Variants in CPNE4 observed in about 807,000 individuals in gnomAD.
CPNE4 encodes copine 4, also known as copine-4.
Under a neutral mutation model 67.9 loss-of-function variants are expected in CPNE4, and 25 were observed. The observed-to-expected ratio is 0.37, with a 90% CI of 0.27 to 0.51. The LOEUF (loss-of-function observed/expected upper bound fraction) is 0.51, where lower values mean the gene tolerates loss of function less well. Among genes scored for constraint, CPNE4 ranks in the 20% least tolerant of loss-of-function variants. The probability of loss-of-function intolerance (pLI) is 0.93; values close to 1 mark genes in which losing one functional copy is unlikely to be tolerated. For synonymous variants in CPNE4, 242 were observed against 244.9 expected (o/e 0.99, Z 0.11); for missense variants, 464 against 690.8 (o/e 0.67, Z 3.68).
At chr3:131,942,869 G>A (rs776547546) in intron 1 of CPNE4, among the ~76,000 whole-genome samples, 5 of 152,224 alleles carry the variant, frequency 3.3e-5, no homozygotes, top group Admixed American at 6.5e-5. Context: ...GTGCAAAAAT[G>A]GTTCAAAGTG....
intron 2 of CPNE4, among the ~76,000 whole-genome samples, chr3:131,882,116 CAATT>C (rs1349082895): frequency 1.3e-5 from 2 of 149,106 alleles, no homozygotes; most frequent in African/African-American, 5.0e-5. Context: ...AGAGATGCTT[CAATT>C]CATTCTTCAG....
intron 1 of CPNE4, among the ~76,000 whole-genome samples, chr3:132,023,838 G>C (rs1324059064): frequency 1.3e-5 from 2 of 152,094 alleles, no homozygotes; most frequent in Non-Finnish European, 2.9e-5. Context: ...ACAGGCTAAG[G>C]CTTAAAAGAA....
At chr3:131,618,469 C>T (rs945888212) in intron 7 of CPNE4, among the ~76,000 whole-genome samples, 28 of 152,108 alleles carry the variant, frequency 1.8e-4, no homozygotes, top group African/African-American at 6.8e-4. Context: ...ACTGTGGACA[C>T]AACTCATTTT....
intron 2 of CPNE4, among the ~76,000 whole-genome samples, chr3:131,882,351 C>G (rs1197396018): frequency 4.6e-5 from 7 of 152,050 alleles, no homozygotes; most frequent in African/African-American, 1.7e-4. Flanking sequence ...CAACTCATGC[C>G]AAGCCAAGGA....
At chr3:131,846,289 C>T (rs577456738) in intron 2 of CPNE4, among the ~76,000 whole-genome samples, 101 of 152,262 alleles carry the variant, frequency 6.6e-4, no homozygotes, top group African/African-American at 2.4e-3. Context: ...AAGAGGTGTT[C>T]GTTTAGTACA....
chr3:131,687,507 C>T (rs912337694), intron 5 of CPNE4, among the ~76,000 whole-genome samples: 46 of 152,226 alleles, frequency 3.0e-4, no homozygotes, highest in African/African-American at 1.1e-3. Flanking sequence ...AATTTTTTTC[C>T]AGAAATCTAG....
chr3:131,971,950 T>G (rs148778690), intron 1 of CPNE4, among the ~76,000 whole-genome samples: 15 of 152,324 alleles, frequency 9.8e-5, no homozygotes, highest in African/African-American at 3.4e-4. Context: ...TTTAGCTCAG[T>G]GTCTGGCACT....
intron 1 of CPNE4, among the ~76,000 whole-genome samples, chr3:132,009,444 A>G (rs148568649): frequency 2.1e-4 from 32 of 152,332 alleles, no homozygotes; most frequent in Admixed American, 2.6e-4. Context: ...GAAGCATTTT[A>G]CTGCCTAAGA....
At chr3:131,823,225 T>C (rs990390982) in intron 2 of CPNE4, among the ~76,000 whole-genome samples, 1 of 152,250 alleles carries the variant, frequency 6.6e-6, no homozygotes, top group African/African-American at 2.4e-5. Flanking sequence ...CTATGTGCCA[T>C]GCATTGTGCT....
chr3:131,895,020 T>C (rs2088271053), intron 2 of CPNE4, among the ~76,000 whole-genome samples: 1 of 152,048 alleles, frequency 6.6e-6, no homozygotes, highest in African/African-American at 2.4e-5. Flanking sequence ...AACAGAATAC[T>C]ATCTAGCCAT....
intron 1 of CPNE4, among the ~76,000 whole-genome samples, chr3:131,947,769 G>A (rs1392070911): frequency 6.6e-6 from 1 of 152,130 alleles, no homozygotes; most frequent in Non-Finnish European, 1.5e-5. Context: ...GGATTGCTGG[G>A]TCAAATGGTA....
chr3:131,901,870 T>G (rs1219442790), intron 2 of CPNE4, among the ~76,000 whole-genome samples: 1 of 145,322 alleles, frequency 6.9e-6, no homozygotes, highest in Non-Finnish European at 1.6e-5. Flanking sequence ...ACTCCCTGAC[T>G]TGCAAAATTC....
chr3:131,625,696 C>G (rs1479375817), intron 7 of CPNE4, among the ~76,000 whole-genome samples: 1 of 152,104 alleles, frequency 6.6e-6, no homozygotes, highest in Admixed American at 6.6e-5. Context: ...CCTATATATT[C>G]TATGATTTTC....
intron 2 of CPNE4, among the ~76,000 whole-genome samples, chr3:131,885,682 C>T (rs897985644): frequency 6.6e-6 from 1 of 152,026 alleles, no homozygotes; most frequent in Non-Finnish European, 1.5e-5. Flanking sequence ...CCAATGCTAT[C>T]CCTCCTGCTC....
chr3:131,953,248 A>AAAAT (rs1560669074), intron 1 of CPNE4, among the ~76,000 whole-genome samples: 18 of 142,392 alleles, frequency 1.3e-4, no homozygotes, highest in African/African-American at 4.3e-4. Context: ...TTAAAAAAAA[A>AAAAT]AAAAAAAAAA....
chr3:131,903,719 A>G (rs2088638641), intron 2 of CPNE4, among the ~76,000 whole-genome samples: 2 of 152,152 alleles, frequency 1.3e-5, no homozygotes, highest in South Asian at 4.1e-4. Context: ...AATTTTTGAA[A>G]GAACTAAACT....
At chr3:131,733,424 C>T (rs914460706) in intron 2 of CPNE4, among the ~76,000 whole-genome samples, 2 of 152,128 alleles carry the variant, frequency 1.3e-5, no homozygotes, top group Non-Finnish European at 2.9e-5. Flanking sequence ...TAAAGCCCCC[C>T]TAGAATATCT....
In CPNE4 at chr3:131,958,609, C is replaced by CTTTTTTTTTTTTT. The variant is rs748126986; in HGVS notation, c.-1-53178_-1-53166dup. 4.5e-3 allele frequency among the ~76,000 whole-genome samples: 432 copies of CTTTTTTTTTTTTT among 95,886 alleles called. 36 individuals are homozygous for CTTTTTTTTTTTTT. Among genetic ancestry groups the CTTTTTTTTTTTTT allele is most frequent in the African/African-American group, 6.0e-3 (120 of 20,046 alleles). 62.9% of individuals were successfully genotyped at this position (95,886 alleles called of 152,430 possible). On this transcript the variant is annotated intron_variant, in intron 1 of 15. Coordinates refer to ENST00000429747, the MANE Select transcript of CPNE4 (RefSeq NM_130808.3). ...CAATTGATACACCTTTCTTTCTTTT[C>CTTTTTTTTTTTTT]TTTTTTTTTTTTTTTTTTTTTTTTT... is the stretch of plus-strand genomic sequence containing the variant.
intron 10 of CPNE4, among the ~76,000 whole-genome samples, chr3:131,572,695 AG>A (rs1180282954): frequency 2.0e-5 from 3 of 151,960 alleles, no homozygotes; most frequent in African/African-American, 7.2e-5. Flanking sequence ...GGAGACAAAA[AG>A]TTTGTGTTGG....
Sources: allele counts gnomAD v4.1 joint callset (sites outside exome capture counted in the v4.1 genomes callset), GRCh38; gene constraint gnomAD v4.1.1; transcripts MANE v1.5; gene names NCBI Gene and HGNC (gene_info 2026-07-23, HGNC 2026-07-21).